Variants in NKAIN2 observed in about 807,000 individuals in gnomAD.
The protein encoded by NKAIN2 is sodium/potassium transporting ATPase interacting 2, also known as sodium/potassium-transporting ATPase subunit beta-1-interacting protein 2.
Under a neutral mutation model 32.6 loss-of-function variants are expected in NKAIN2, and 14 were observed. The observed-to-expected ratio is 0.43, with a 90% CI of 0.28 to 0.67. The LOEUF is 0.67. NKAIN2 is among the 30% of genes least tolerant of loss of function. The pLI, the probability that NKAIN2 is intolerant of heterozygous loss-of-function variation, is 0.17. For missense variants in NKAIN2, 198 were observed against 258.3 expected, an observed-to-expected ratio of 0.77 and a Z score of 1.60; for synonymous variants, 80 against 87.2, an observed-to-expected ratio of 0.92 and a Z score of 0.46.
chr6:124,232,951 T>C (rs1792536806), intron 1 of NKAIN2, among the ~76,000 whole-genome samples: 1 of 152,072 alleles, frequency 6.6e-6, no homozygotes, highest in South Asian at 2.1e-4. Context: ...TTGCAACCCT[T>C]ATATGCTGAT....
At chr6:124,064,693 T>C (rs1218417126) in intron 1 of NKAIN2, among the ~76,000 whole-genome samples, 1 of 152,182 alleles carries the variant, frequency 6.6e-6, no homozygotes, top group Non-Finnish European at 1.5e-5. Flanking sequence ...AATTTAGATA[T>C]GAATAATATA....
rs556603723 is a variant in NKAIN2, at chr6:123,901,967, T to C, written c.54+97713T>C. ...TTTTTGTAATATGGTGCTAGTTATG[T>C]AAAATAAAGTTTTGTTTTAATGGGT... On this transcript the variant is annotated intron_variant, in intron 1 of 6. Coordinates refer to ENST00000368417, the MANE Select transcript of NKAIN2 (RefSeq NM_001040214.3). 2.0e-5 allele frequency among the ~76,000 whole-genome samples: 3 copies of C among 152,290 alleles called. No individual in the cohort carries two copies. The East Asian group carries it at 5.8e-4, about 29-fold the overall frequency.
intron 1 of NKAIN2, among the ~76,000 whole-genome samples, chr6:124,184,809 T>G (rs543692851): frequency 6.6e-6 from 1 of 152,300 alleles, no homozygotes; most frequent in East Asian, 1.9e-4. Context: ...AAATCCTTGT[T>G]AAATACAGAC....
At chr6:124,761,247 T>C (rs1330916048) in intron 4 of NKAIN2, among the ~76,000 whole-genome samples, 1 of 152,174 alleles carries the variant, frequency 6.6e-6, no homozygotes, top group African/African-American at 2.4e-5. Flanking sequence ...GCTTTTCCTA[T>C]TGCAGCTTCA....
intron 1 of NKAIN2, among the ~76,000 whole-genome samples, chr6:124,244,740 T>A (rs1793302207): frequency 1.3e-5 from 2 of 152,090 alleles, no homozygotes; most frequent in Non-Finnish European, 2.9e-5. Flanking sequence ...TGTTTTCTGT[T>A]GTTTCCTTGA....
chr6:124,131,667 G>A (rs1313812602), intron 1 of NKAIN2, among the ~76,000 whole-genome samples: 4 of 152,172 alleles, frequency 2.6e-5, no homozygotes, highest in African/African-American at 4.8e-5. Flanking sequence ...AATGGATTTA[G>A]GGAGCTGTGT....
intron 4 of NKAIN2, among the ~76,000 whole-genome samples, chr6:124,738,351 T>C (rs1427027859): frequency 6.6e-6 from 1 of 151,836 alleles, no homozygotes; most frequent in Non-Finnish European, 1.5e-5. Flanking sequence ...AAAAATAACT[T>C]TTAAAATAAT....
intron 3 of NKAIN2, among the ~76,000 whole-genome samples, chr6:124,420,234 C>T (rs1002997460): frequency 6.6e-6 from 1 of 152,158 alleles, no homozygotes; most frequent in African/African-American, 2.4e-5. Flanking sequence ...TTTGTTCTGA[C>T]ACTTGAAGTA....
At chr6:124,052,937 G>A (rs965913379) in intron 1 of NKAIN2, among the ~76,000 whole-genome samples, 82 of 152,070 alleles carry the variant, frequency 5.4e-4, no homozygotes, top group African/African-American at 1.9e-3. Flanking sequence ...TTCCAATGGA[G>A]GCCAACTGAA....
intron 4 of NKAIN2, among the ~76,000 whole-genome samples, chr6:124,682,610 C>T (rs1031539727): frequency 2.0e-5 from 3 of 151,928 alleles, no homozygotes; most frequent in South Asian, 2.1e-4. Flanking sequence ...AACTTCAATC[C>T]GGAAGGAAAA....
At chr6:124,611,999 G>A (rs927721512) in intron 3 of NKAIN2, among the ~76,000 whole-genome samples, 6 of 146,548 alleles carry the variant, frequency 4.1e-5, no homozygotes, top group Non-Finnish European at 6.0e-5. Flanking sequence ...ATAAACAAAC[G>A]GTAGGTATTT....
At chr6:124,300,258 T>C (rs1796240758) in intron 2 of NKAIN2, among the ~76,000 whole-genome samples, 2 of 152,086 alleles carry the variant, frequency 1.3e-5, no homozygotes, top group African/African-American at 2.4e-5. Flanking sequence ...GTCTCAAAGA[T>C]TTCATGGTTT....
intron 6 of NKAIN2, among the ~76,000 whole-genome samples, chr6:124,822,901 A>G (rs918443770): frequency 6.6e-6 from 1 of 152,030 alleles, no homozygotes; most frequent in Non-Finnish European, 1.5e-5. Flanking sequence ...GCTTCCAGCA[A>G]TATAAGAATA....
chr6:123,937,880 C>G (rs1219513648), intron 1 of NKAIN2, among the ~76,000 whole-genome samples: 5 of 136,974 alleles, frequency 3.7e-5, no homozygotes, highest in Admixed American at 7.5e-5. Flanking sequence ...GTGCTCCCTT[C>G]AAGCTGCTCC....
chr6:124,598,813 T>C (rs183986030), intron 3 of NKAIN2, among the ~76,000 whole-genome samples: 1 of 152,280 alleles, frequency 6.6e-6, no homozygotes, highest in African/African-American at 2.4e-5. Flanking sequence ...AATTATCTTT[T>C]CATAGATATT....
chr6:124,029,548 G>A (rs978446235), intron 1 of NKAIN2, among the ~76,000 whole-genome samples: 1 of 152,136 alleles, frequency 6.6e-6, no homozygotes, highest in Non-Finnish European at 1.5e-5. Flanking sequence ...TACCTACTGT[G>A]TGCCAGCCTT....
At chr6:124,717,173 T>C (rs1213814185) in intron 4 of NKAIN2, among the ~76,000 whole-genome samples, 2 of 152,214 alleles carry the variant, frequency 1.3e-5, no homozygotes, top group Non-Finnish European at 2.9e-5. Context: ...TAAAATGGGA[T>C]TTTAAAAAAT....
intron 3 of NKAIN2, among the ~76,000 whole-genome samples, chr6:124,420,868 C>G (rs1264649559): frequency 6.6e-6 from 1 of 151,742 alleles, no homozygotes; most frequent in Non-Finnish European, 1.5e-5. Flanking sequence ...ACTACAAATT[C>G]TACTCACTCA....
At chr6:124,656,759 C>G in intron 3 of NKAIN2, among the ~76,000 whole-genome samples, 1 of 152,142 alleles carries the variant, frequency 6.6e-6, no homozygotes. Flanking sequence ...CACGTTAGCT[C>G]TCTCTCATGA....
Sources: gnomAD v4.1 joint callset for allele counts (sites outside exome capture counted in the v4.1 genomes callset) on GRCh38, gnomAD v4.1.1 for gene constraint, MANE v1.5 for transcripts, NCBI Gene and HGNC (gene_info 2026-07-23, HGNC 2026-07-21) for gene names.